Variants in FXYD3 observed in about 807,000 individuals in gnomAD.
The protein encoded by FXYD3 is FXYD domain-containing ion transport regulator 3.
In FXYD3, 13 loss-of-function variants were observed where a neutral mutation model predicts 19.2. The observed-to-expected ratio is 0.68, with a 90% CI of 0.44 to 1.08. FXYD3 has a LOEUF of 1.08. Among genes scored for constraint, FXYD3 ranks in the 50% least tolerant of loss-of-function variants. The probability of loss-of-function intolerance (pLI) is 0.00; values close to 1 mark genes in which losing one functional copy is unlikely to be tolerated. For missense variants in FXYD3, 101 were observed against 109.4 expected (o/e 0.92, Z 0.34); for synonymous variants, 48 against 38.9 (o/e 1.23, Z -0.87).
intron 8 of FXYD3, 36 bp downstream of exon 8, chr19:35,123,344 G>T: frequency 6.2e-7 from 1 of 1,604,944 alleles, no homozygotes; most frequent in Non-Finnish European, 8.5e-7. Context: ...GGGGAACACG[G>T]AAGTGGTGTG....
chr19:35,120,308 T>C (rs1309177907), intron 3 of FXYD3, among the ~76,000 whole-genome samples: 1 of 152,102 alleles, frequency 6.6e-6, no homozygotes, highest in Non-Finnish European at 1.5e-5. Context: ...CCTGGCTAAC[T>C]TTTGTATTTT....
At chr19:35,120,131 CTTTTTTCTTTTCT>C (rs1287662599) in intron 3 of FXYD3, among the ~76,000 whole-genome samples, 2 of 144,664 alleles carry the variant, frequency 1.4e-5, no homozygotes, top group Non-Finnish European at 3.0e-5. Flanking sequence ...ACACTTTTCC[CTTTTTTCTTTTCT>C]TTTTTTTTTT....
chr19:35,122,772 C>T lies in FXYD3; in HGVS notation c.105C>T (p.His35=). The part of the protein sequence containing the change: ...DKNSPFYYDW[H]SLQVGGLICA... ...CCTCCACTTTCCTCCTAGACTGGCA[C>T]AGCCTCCAGGTTGGCGGGCTCATCT... is the stretch of plus-strand genomic sequence containing the variant. The change falls in exon 6 of 9, where the codon CAC becomes CAT. Residue 35 remains histidine (H), a synonymous_variant. Transcript: ENST00000604404. 6.2e-7 allele frequency: 1 copy of T among 1,613,194 alleles called. No homozygotes were observed. The highest frequency in any genetic ancestry group is 1.1e-5 in the South Asian group (1 of 91,076).
intron 2 of FXYD3, chr19:35,118,457 G>A: frequency 2.0e-6 from 2 of 989,578 alleles, no homozygotes; most frequent in Non-Finnish European, 2.4e-6. Context: ...GGAGGCCAGG[G>A]CTTGGTGCAG....
Position 35,123,690 on chromosome 19 carries a change from G to T in FXYD3, c.*233G>T. On this transcript the variant is annotated 3_prime_UTR_variant, in exon 9 of 9. Transcript: ENST00000604404. ...GGAGACTTCCTATGTGTGCATTGGG[G>T]TGGGGCTTGGGGCACCATGAGAAGG... The T allele has an allele frequency of 3.4e-6, 2 of 583,320 alleles. No individual in the cohort carries two copies. The highest frequency in any genetic ancestry group is 6.1e-6 in the Non-Finnish European group (2 of 327,784). 36.1% of individuals were successfully genotyped at this position (583,320 alleles called of 1,614,324 possible). A position where few individuals can be genotyped will look rare whatever the true frequency, so the allele number is the denominator to read the frequency against.
intron 5 of FXYD3, among the ~76,000 whole-genome samples, chr19:35,122,191 G>A (rs1388908677): frequency 6.6e-6 from 1 of 151,798 alleles, no homozygotes; most frequent in Admixed American, 6.6e-5. Context: ...TTCACCCAGA[G>A]TGTGACTGGC....
At chr19:35,120,965 C>A in intron 3 of FXYD3, 113 bp from the exon 4 acceptor site, 1 of 1,117,224 alleles carries the variant, frequency 9.0e-7, no homozygotes, top group Non-Finnish European at 1.3e-6. Flanking sequence ...TGACAGGACC[C>A]CTGTCCCGCA....
In FXYD3 at chr19:35,117,006, A is replaced by T. The variant is rs912807045; in HGVS notation, c.-15+647A>T. 8 of 985,206 alleles carry T rather than the reference A, an allele frequency of 8.1e-6. No homozygotes were observed. The African/African-American group carries it at 1.4e-4, about 17-fold the overall frequency. The allele number at this position is 985,206 out of a possible 1,614,324, so 61.0% of individuals were successfully genotyped here. On this transcript the variant is annotated intron_variant, in intron 2 of 8. Coordinates refer to ENST00000604404, the MANE Select transcript of FXYD3 (RefSeq NM_005971.4). ...CCCATGGTATGGAGGAATAGAGGGG[A>T]TAGCAGAGGGCAGGTGGGGGAAACA...
rs751921647 is a variant in FXYD3 at position 35,119,388 on chromosome 19, G to A, written c.12G>A (p.Val4=). Residue 4 remains valine (V), a synonymous_variant, in exon 3 of 9, where the codon GTG becomes GTA. Coordinates refer to ENST00000604404, the MANE Select transcript of FXYD3 (RefSeq NM_005971.4). Reference sequence around the variant, plus strand: ...GCCAGCGCTCTGACATGCAGAAGGTGACCCTGGGCCTGCTTGTGTTCCTGG... The same window carrying A: ...GCCAGCGCTCTGACATGCAGAAGGTAACCCTGGGCCTGCTTGTGTTCCTGG... MQK[V]TLGLLVFLAG... is the part of the protein sequence containing the mutation. The A allele has an allele frequency of 1.9e-6, 3 of 1,614,054 alleles. No individual in the cohort carries two copies. In the African/African-American group the frequency reaches 4.0e-5, roughly 22 times the overall value.
In FXYD3 at chr19:35,122,937, G is replaced by C. The variant is rs368052863; in HGVS notation, c.192G>C (p.Lys64Asn). The change falls in exon 7 of 9, where the codon AAG becomes AAC. Residue 64 changes from lysine (K) to asparagine (N), a missense_variant. By Grantham distance (94) the Lys-to-Asn change is moderately conservative. Coordinates refer to ENST00000604404, the MANE Select transcript of FXYD3 (RefSeq NM_005971.4). ...CAACAGGTGCAAAATGCAAATGCAA[G>C]TTTGGCCAGAAGTCCGGGTAAGATA... The part of the protein sequence containing the change: ...IIVMSAKCKC[K>N]FGQKSGHHPG... The C allele has an allele frequency of 6.2e-7, 1 of 1,604,470 alleles. No homozygotes were observed. Among genetic ancestry groups the C allele is most frequent in the Non-Finnish European group, 8.5e-7 (1 of 1,174,470 alleles).
chr19:35,117,400 G>A lies in FXYD3; in HGVS notation c.-15+1041G>A, dbSNP rs760243070. The A allele has an allele frequency of 2.0e-5, 29 of 1,460,894 alleles. 1 individual carries two copies. The Admixed American group carries it at 2.1e-4, about 11-fold the overall frequency. 90.5% of individuals were successfully genotyped at this position (1,460,894 alleles called of 1,614,324 possible). On this transcript the variant is annotated intron_variant, in intron 2 of 8. Coordinates refer to ENST00000604404, the MANE Select transcript of FXYD3 (RefSeq NM_005971.4). ...AGAGGTGAGACTCAACAGCCATGGC[G>A]ACAGAGCATAGGGCTTTAAGATGAA... is the stretch of plus-strand genomic sequence containing the variant.
chr19:35,119,502 C>T, intron 3 of FXYD3, 86 bp downstream of exon 3: 6 of 1,251,350 alleles, frequency 4.8e-6, no homozygotes, highest in Non-Finnish European at 7.0e-6. Flanking sequence ...TGCTTTTCTA[C>T]CTCCCCGGGA....
Position 35,119,431 on chromosome 19 carries a change from C to G in FXYD3, c.40+15C>G. 1 of 1,612,956 alleles carries G rather than the reference C, an allele frequency of 6.2e-7. No homozygotes were observed. ...GTTCCTGGCAGGTGAGTACCCATCC[C>G]CCGTCTGCCTTTTCCTCTGGATCCC... On this transcript the variant is annotated intron_variant, in intron 3 of 8. Coordinates refer to ENST00000604404, the MANE Select transcript of FXYD3 (RefSeq NM_005971.4).
intron 2 of FXYD3, chr19:35,117,429 G>C (rs1319815230): frequency 1.4e-6 from 2 of 1,388,196 alleles, no homozygotes; most frequent in Non-Finnish European, 1.9e-6. Flanking sequence ...AGATGAATTT[G>C]CAGGGGTTAC....
intron 2 of FXYD3, chr19:35,117,277 C>T: frequency 6.7e-7 from 1 of 1,503,392 alleles, no homozygotes; most frequent in Non-Finnish European, 8.9e-7. Flanking sequence ...GAGGAGGATA[C>T]CATCTGTCAG....
intron 2 of FXYD3, among the ~76,000 whole-genome samples, chr19:35,118,967 G>C (rs544879179): frequency 6.2e-4 from 95 of 152,332 alleles, no homozygotes; most frequent in African/African-American, 2.3e-3. Flanking sequence ...TCCCTAGTTA[G>C]GAGCAGCTGC....
At chr19:35,118,355 C>CAA (rs58523271) in intron 2 of FXYD3, 7 of 316,996 alleles carry the variant, frequency 2.2e-5, no homozygotes, top group Non-Finnish European at 2.9e-5. Flanking sequence ...AACTCCGCCT[C>CAA]AAAAAAAAAA....
At chr19:35,118,447 G>A (rs895941763) in intron 2 of FXYD3, 57 of 989,596 alleles carry the variant, frequency 5.8e-5, no homozygotes, top group Middle Eastern at 4.5e-4. Context: ...GGGCATGCTC[G>A]GAGGCCAGGG....
At position 35,116,719 on chromosome 19, in the gene FXYD3, T is replaced by C. The variant is rs2064893587; in HGVS notation, c.-15+360T>C. ...TAGGGGTATCTAAGTGGACCAGGGG[T>C]GCGTAGATGGACTGGGGACATCTGG... On this transcript the variant is annotated intron_variant, in intron 2 of 8. Coordinates refer to ENST00000604404, the MANE Select transcript of FXYD3 (RefSeq NM_005971.4). The C allele has an allele frequency of 5.6e-6, 5 of 887,462 alleles. No homozygotes were observed. In the South Asian group the frequency reaches 2.2e-4, roughly 39 times the overall value. 55.0% of individuals were successfully genotyped at this position (887,462 alleles called of 1,614,324 possible).
Sources: allele counts gnomAD v4.1 joint callset (sites outside exome capture counted in the v4.1 genomes callset), GRCh38; gene constraint gnomAD v4.1.1; transcripts MANE v1.5; gene names NCBI Gene and HGNC (gene_info 2026-07-23, HGNC 2026-07-21).